OPCML: variants seen among roughly 807,000 people sequenced by gnomAD.
OPCML encodes opioid-binding protein/cell adhesion molecule.
In OPCML, 13 loss-of-function variants were observed where a neutral mutation model predicts 37.8. That is an observed-to-expected ratio of 0.34 (90% CI 0.22 to 0.55). The LOEUF (loss-of-function observed/expected upper bound fraction) is 0.55. Ranked by LOEUF, OPCML falls within the 20% of genes least tolerant of loss-of-function variation. The probability of loss-of-function intolerance (pLI) is 0.91; values close to 1 mark genes in which losing one functional copy is unlikely to be tolerated. For missense variants in OPCML, 341 were observed against 435.6 expected, an observed-to-expected ratio of 0.78 and a Z score of 1.93; for synonymous variants, 176 against 168.8, an observed-to-expected ratio of 1.04 and a Z score of -0.33.
intron 4 of OPCML, among the ~76,000 whole-genome samples, chr11:132,478,814 A>G (rs1323743405): frequency 6.6e-6 from 1 of 152,190 alleles, no homozygotes; most frequent in Non-Finnish European, 1.5e-5. Context: ...CAAGAGGCTG[A>G]AGAAAGGCTG....
At chr11:132,614,744 C>T (rs1400030911) in intron 3 of OPCML, among the ~76,000 whole-genome samples, 1 of 152,184 alleles carries the variant, frequency 6.6e-6, no homozygotes, top group Non-Finnish European at 1.5e-5. Context: ...ATGGGATAGG[C>T]ATTTCCCAAA....
intron 2 of OPCML, among the ~76,000 whole-genome samples, chr11:132,861,197 G>A (rs995343739): frequency 2.6e-5 from 4 of 152,080 alleles, no homozygotes; most frequent in Non-Finnish European, 5.9e-5. Context: ...CCAGGCTCTC[G>A]GGATGTTTTA....
In OPCML at chr11:132,824,590, T is replaced by C. The variant is rs188623886; in HGVS notation, c.146+118336A>G. Among the ~76,000 whole-genome samples, 338 of 152,286 alleles carry C rather than the reference T, an allele frequency of 2.2e-3. 1 individual carries two copies. Among genetic ancestry groups the C allele is most frequent in the African/African-American group, 7.8e-3 (325 of 41,554 alleles). ...ATCTTCTCTTGAGCACACCCCATCA[T>C]CCCTTCATCTCTGCTTCTCCACTGA... On this transcript the variant is annotated intron_variant, in intron 2 of 7. Coordinates refer to ENST00000524381, the MANE Select transcript of OPCML (RefSeq NM_001012393.5).
intron 2 of OPCML, among the ~76,000 whole-genome samples, chr11:132,940,219 G>A (rs1352285650): frequency 6.6e-6 from 1 of 152,136 alleles, no homozygotes; most frequent in African/African-American, 2.4e-5. Flanking sequence ...GTTTTTCACT[G>A]GGAAAGTGAA....
At chr11:132,932,077 A>G (rs1332429519) in intron 2 of OPCML, among the ~76,000 whole-genome samples, 1 of 152,224 alleles carries the variant, frequency 6.6e-6, no homozygotes, top group Admixed American at 6.5e-5. Flanking sequence ...TGGTCAAAAC[A>G]TAGAGACAGA....
chr11:133,285,003 C>T (rs1329810387), intron 1 of OPCML, among the ~76,000 whole-genome samples: 1 of 151,950 alleles, frequency 6.6e-6, no homozygotes, highest in Non-Finnish European at 1.5e-5. Context: ...TTACTTACAA[C>T]TCTATATGTT....
At chr11:132,730,268 T>C (rs1273324957) in intron 2 of OPCML, among the ~76,000 whole-genome samples, 1 of 152,052 alleles carries the variant, frequency 6.6e-6, no homozygotes, top group East Asian at 1.9e-4. Flanking sequence ...AAAATAAAGA[T>C]TAATAAATAA....
chr11:133,485,598 T>C (rs4350375), intron 1 of OPCML, among the ~76,000 whole-genome samples: 4,476 of 152,270 alleles, frequency 0.029, 233 homozygotes, highest in African/African-American at 0.1. Flanking sequence ...CAAACTGAAA[T>C]AAGACCTGCA....
rs1485603456 is a variant in OPCML, at chr11:132,687,395, T to C, written c.147-30076A>G. Among the ~76,000 whole-genome samples the C allele has an allele frequency of 2.5e-4, 21 of 84,868 alleles. 2 individuals carry two copies. The highest frequency in any genetic ancestry group is 1.3e-3 in the African/African-American group (17 of 13,174). 55.7% of individuals were successfully genotyped at this position (84,868 alleles called of 152,430 possible). A position where few individuals can be genotyped will look rare whatever the true frequency, so the allele number is the denominator to read the frequency against. On this transcript the variant is annotated intron_variant, in intron 2 of 7. Transcript: ENST00000524381. ...ATATATATATATATATATATATATA[T>C]ATATATATATATATATATATATATA...
chr11:132,940,086 C>T (rs957007435), intron 2 of OPCML, among the ~76,000 whole-genome samples: 8 of 152,194 alleles, frequency 5.3e-5, no homozygotes, highest in South Asian at 2.1e-4. Flanking sequence ...GTTTCATCCA[C>T]GTTCAAAGCT....
chr11:132,606,536 G>A (rs970582495), intron 3 of OPCML, among the ~76,000 whole-genome samples: 2 of 152,100 alleles, frequency 1.3e-5, no homozygotes, highest in African/African-American at 4.8e-5. Context: ...AGGAAGAGCT[G>A]ACCCAGGAGG....
At chr11:132,867,381 T>C (rs1265145266) in intron 2 of OPCML, among the ~76,000 whole-genome samples, 1 of 152,206 alleles carries the variant, frequency 6.6e-6, no homozygotes, top group Non-Finnish European at 1.5e-5. Flanking sequence ...ATCCGACTGG[T>C]GACTGCAGAT....
chr11:132,675,287 A>C (rs1395703771), intron 2 of OPCML, among the ~76,000 whole-genome samples: 1 of 151,880 alleles, frequency 6.6e-6, no homozygotes, highest in Non-Finnish European at 1.5e-5. Flanking sequence ...GCATATATAA[A>C]AGATTTCACT....
intron 2 of OPCML, 117 bp downstream of exon 2, chr11:132,942,809 C>G: frequency 7.3e-7 from 1 of 1,369,400 alleles, no homozygotes; most frequent in South Asian, 1.3e-5. Context: ...GCCCCTCGGG[C>G]CTGCACAAGG....
At chr11:132,973,572 G>C (rs1431875908) in intron 1 of OPCML, among the ~76,000 whole-genome samples, 1 of 152,082 alleles carries the variant, frequency 6.6e-6, no homozygotes, top group Non-Finnish European at 1.5e-5. Context: ...CCAAGCCTGG[G>C]TGAACTCAGC....
At chr11:132,546,120 C>T (rs2096368063) in intron 3 of OPCML, among the ~76,000 whole-genome samples, 1 of 152,138 alleles carries the variant, frequency 6.6e-6, no homozygotes, top group African/African-American at 2.4e-5. Flanking sequence ...AATGGTATTT[C>T]TGCATGGTTT....
At chr11:132,997,829 A>G (rs1946915520) in intron 1 of OPCML, among the ~76,000 whole-genome samples, 1 of 152,178 alleles carries the variant, frequency 6.6e-6, no homozygotes, top group Non-Finnish European at 1.5e-5. Flanking sequence ...TACCAAGCAC[A>G]TCTTGGAGCT....
intron 2 of OPCML, among the ~76,000 whole-genome samples, chr11:132,798,898 C>CT (rs1322518150): frequency 5.9e-5 from 9 of 152,144 alleles, no homozygotes; most frequent in Non-Finnish European, 1.2e-4. Context: ...TGAAGTGAAT[C>CT]TTTTTTTCTG....
At chr11:133,462,953 T>A (rs34538669) in intron 1 of OPCML, among the ~76,000 whole-genome samples, 23,268 of 151,996 alleles carry the variant, frequency 0.15, 1,913 homozygotes, top group Admixed American at 0.21. Context: ...GATGAATAAG[T>A]GGATAAACAA....
Sources: allele counts gnomAD v4.1 joint callset (sites outside exome capture counted in the v4.1 genomes callset), GRCh38; gene constraint gnomAD v4.1.1; transcripts MANE v1.5; gene names NCBI Gene and HGNC (gene_info 2026-07-23, HGNC 2026-07-21).